The following EVL variants were observed in gnomAD, a reference collection of about 807,000 sequenced individuals.
The protein encoded by EVL is Enah/Vasp-like.
EVL carries 21 observed loss-of-function variants against 59.6 expected under a neutral mutation model. That is an observed-to-expected ratio of 0.35 (90% CI 0.25 to 0.51). The LOEUF is 0.51. Among genes scored for constraint, EVL ranks in the 20% least tolerant of loss-of-function variants. The pLI is 0.97. For synonymous variants in EVL, 198 were observed against 203.5 expected, an observed-to-expected ratio of 0.97 and a Z score of 0.23; for missense variants, 462 against 546.6, an observed-to-expected ratio of 0.85 and a Z score of 1.54.
intron 1 of EVL, among the ~76,000 whole-genome samples, chr14:100,001,486 T>A (rs1255127810): frequency 6.6e-6 from 1 of 152,242 alleles, no homozygotes; most frequent in Non-Finnish European, 1.5e-5. Context: ...AGGACTGATT[T>A]GCTTTATTAT....
chr14:100,070,920 C>T (rs891368729), intron 1 of EVL, among the ~76,000 whole-genome samples: 11 of 152,202 alleles, frequency 7.2e-5, no homozygotes, highest in African/African-American at 1.2e-4. Context: ...TTAACGTCCA[C>T]GTGGCTGTCA....
At chr14:100,072,388 C>G (rs2140281057) in intron 1 of EVL, among the ~76,000 whole-genome samples, 1 of 152,312 alleles carries the variant, frequency 6.6e-6, no homozygotes, top group South Asian at 2.1e-4. Context: ...GCATGCGCCA[C>G]TACACCTGGC....
At chr14:100,059,932 A>G (rs942609474) in intron 1 of EVL, among the ~76,000 whole-genome samples, 9 of 152,204 alleles carry the variant, frequency 5.9e-5, no homozygotes, top group Non-Finnish European at 8.8e-5. Context: ...ACATACAATC[A>G]TAAGTTAGTA....
At chr14:99,981,945 A>G (rs959547582) in intron 1 of EVL, among the ~76,000 whole-genome samples, 10 of 152,224 alleles carry the variant, frequency 6.6e-5, no homozygotes, top group Admixed American at 6.5e-4. Flanking sequence ...TTGAGTTGCC[A>G]CATGAATGTA....
At chr14:100,110,952 C>T (rs1434198136) in intron 3 of EVL, among the ~76,000 whole-genome samples, 1 of 152,130 alleles carries the variant, frequency 6.6e-6, no homozygotes, top group Non-Finnish European at 1.5e-5. Context: ...CTGACGCCTC[C>T]TGGTAGGGCT....
At position 100,007,579 on chromosome 14, in the gene EVL, A is replaced by T. The variant is rs144385346; in HGVS notation, c.5+35522A>T. 4.2e-4 allele frequency among the ~76,000 whole-genome samples: 64 copies of T among 152,338 alleles called. No homozygotes were observed. The Middle Eastern group carries it at 0.02, about 49-fold the overall frequency. On this transcript the variant is annotated intron_variant, in intron 1 of 13. Coordinates refer to the EVL transcript ENST00000402714. ...TTTGCGTGATACCCTTGGGAACTAG[A>T]TATAGCTGCTTGCTGTGAGAGTGAC...
At chr14:100,093,504 T>C (rs2062607663) in intron 2 of EVL, among the ~76,000 whole-genome samples, 1 of 152,192 alleles carries the variant, frequency 6.6e-6, no homozygotes, top group Admixed American at 6.5e-5. Context: ...CGTTGGGGGC[T>C]GTGTGTAGAC....
intron 3 of EVL, among the ~76,000 whole-genome samples, chr14:100,116,506 A>G (rs1055705192): frequency 9.2e-5 from 14 of 152,296 alleles, no homozygotes; most frequent in Non-Finnish European, 1.6e-4. Context: ...GGTCTCCCAG[A>G]GCCTCATAAA....
upstream of EVL, among the ~76,000 whole-genome samples, chr14:100,063,194 G>A (rs1305315361): frequency 6.6e-6 from 1 of 152,222 alleles, no homozygotes; most frequent in Non-Finnish European, 1.5e-5. Context: ...GGTTATCTTG[G>A]ATTATCCATT....
At chr14:99,992,246 ATCT>A (rs1235778446) in intron 1 of EVL, among the ~76,000 whole-genome samples, 1 of 152,118 alleles carries the variant, frequency 6.6e-6, no homozygotes, top group African/African-American at 2.4e-5. Flanking sequence ...TTGTGTGTAT[ATCT>A]TCTTTGGAGA....
intron 1 of EVL, among the ~76,000 whole-genome samples, chr14:100,051,388 TG>T (rs2061645351): frequency 6.6e-6 from 1 of 152,204 alleles, no homozygotes; most frequent in Admixed American, 6.5e-5. Context: ...AGGCATCCAC[TG>T]GGGGCCTTGG....
intron 1 of EVL, among the ~76,000 whole-genome samples, chr14:100,020,975 A>G (rs1269485076): frequency 1.3e-5 from 2 of 152,224 alleles, no homozygotes; most frequent in Admixed American, 1.3e-4. Context: ...CCATTAGATG[A>G]CTAACAAGAA....
At chr14:100,004,707 C>A (rs779385060) in intron 1 of EVL, among the ~76,000 whole-genome samples, 9 of 152,106 alleles carry the variant, frequency 5.9e-5, no homozygotes, top group Non-Finnish European at 1.3e-4. Flanking sequence ...AAAATTATTT[C>A]TCTTTAAGCT....
chr14:100,128,583 T>TCCCC lies in EVL; in HGVS notation c.554_555insCCCC (p.Pro187ThrfsTer112). 2 of 1,579,774 alleles carry TCCCC rather than the reference T, an allele frequency of 1.3e-6. No individual in the cohort carries two copies. The highest frequency in any genetic ancestry group is 1.7e-6 in the Non-Finnish European group (2 of 1,155,636). ...GCGCCCCCGTCTCATGTAGTGGGCC[T>TCCCC]CCACCGCCCCCCCCACCCCCAGTCC... is the stretch of plus-strand genomic sequence containing the variant. On this transcript the variant is annotated frameshift_variant, in exon 6 of 14. Transcript: ENST00000392920. LOFTEE classifies it high-confidence loss of function.
chr14:100,020,790 CT>C (rs1427721606), intron 1 of EVL, among the ~76,000 whole-genome samples: 1 of 152,216 alleles, frequency 6.6e-6, no homozygotes, highest in Non-Finnish European at 1.5e-5. Context: ...GTCCCCTGCC[CT>C]TTTCAGTAAA....
At chr14:100,121,401 C>T (rs967792319) in intron 3 of EVL, among the ~76,000 whole-genome samples, 24 of 152,316 alleles carry the variant, frequency 1.6e-4, no homozygotes, top group Admixed American at 7.2e-4. Context: ...CAGACCCCTG[C>T]GCCTTGCTGG....
intron 2 of EVL, among the ~76,000 whole-genome samples, chr14:100,093,705 T>G (rs550196985): frequency 1.3e-5 from 2 of 152,136 alleles, no homozygotes; most frequent in Admixed American, 6.6e-5. Context: ...ACTTCCTGAG[T>G]TGGAAGTGAT....
At chr14:99,989,310 C>T (rs1460764846) in intron 1 of EVL, among the ~76,000 whole-genome samples, 4 of 151,892 alleles carry the variant, frequency 2.6e-5, no homozygotes, top group African/African-American at 9.7e-5. Context: ...TCCCCATCTC[C>T]CCAGGGCCGT....
chr14:100,064,124 T>C (rs2061884888), upstream of EVL, among the ~76,000 whole-genome samples: 1 of 152,248 alleles, frequency 6.6e-6, no homozygotes, highest in Admixed American at 6.5e-5. Context: ...AAAAGCCTTT[T>C]AAAATGCATT....
Sources: gnomAD v4.1 joint callset for allele counts (sites outside exome capture counted in the v4.1 genomes callset) on GRCh38, gnomAD v4.1.1 for gene constraint, MANE v1.5 for transcripts, NCBI Gene and HGNC (gene_info 2026-07-23, HGNC 2026-07-21) for gene names.